Variants in CSMD1 observed in about 807,000 individuals in gnomAD.
CSMD1 encodes CUB and sushi domain-containing protein 1.
CSMD1 carries 213 observed loss-of-function variants against 417.5 expected under a neutral mutation model. The ratio of observed to expected loss-of-function variants is 0.51; its 90% CI spans 0.46 to 0.57. The LOEUF (loss-of-function observed/expected upper bound fraction) is 0.57. Among genes scored for constraint, CSMD1 ranks in the 20% least tolerant of loss-of-function variants. The probability of loss-of-function intolerance (pLI) is 0.00; values close to 1 mark genes in which losing one functional copy is unlikely to be tolerated. For missense variants in CSMD1, 6,923 were observed against 4,529.7 expected (o/e 1.53, Z -15.17); for synonymous variants, 2,862 against 1,736.8 (o/e 1.65, Z -16.11).
At chr8:3,946,377 T>C (rs1188650479) in intron 5 of CSMD1, among the ~76,000 whole-genome samples, 1 of 152,172 alleles carries the variant, frequency 6.6e-6, no homozygotes, top group East Asian at 1.9e-4. Context: ...CTGGCCTGTC[T>C]CTGGATTTTC....
At chr8:4,159,996 G>T (rs921579603) in intron 3 of CSMD1, among the ~76,000 whole-genome samples, 2 of 151,860 alleles carry the variant, frequency 1.3e-5, no homozygotes. Flanking sequence ...AATGTATAAT[G>T]CTCTGGTGAT....
chr8:3,772,165 A>AAAATAT (rs1450016596), intron 5 of CSMD1, among the ~76,000 whole-genome samples: 2 of 43,028 alleles, frequency 4.6e-5, no homozygotes, highest in Non-Finnish European at 9.2e-5. Context: ...CAGAAAGGGC[A>AAAATAT]ACATATATAT....
chr8:3,063,743 G>A (rs1812742198), intron 49 of CSMD1, among the ~76,000 whole-genome samples: 1 of 152,152 alleles, frequency 6.6e-6, no homozygotes, highest in Admixed American at 6.6e-5. Flanking sequence ...CAAATACTAT[G>A]TGATTCTACT....
intron 5 of CSMD1, among the ~76,000 whole-genome samples, chr8:3,862,443 T>G (rs1028048065): frequency 6.6e-6 from 1 of 152,210 alleles, no homozygotes; most frequent in African/African-American, 2.4e-5. Context: ...CTGGAATAAG[T>G]GTTCCTTCTC....
intron 5 of CSMD1, among the ~76,000 whole-genome samples, chr8:3,774,175 C>A (rs1050832334): frequency 2.6e-4 from 39 of 152,146 alleles, no homozygotes; most frequent in African/African-American, 9.4e-4. Flanking sequence ...CCTTTTGTGA[C>A]CTGCACCGCC....
intron 10 of CSMD1, among the ~76,000 whole-genome samples, chr8:3,517,056 C>G (rs776827128): frequency 2.0e-5 from 3 of 152,150 alleles, no homozygotes; most frequent in African/African-American, 7.2e-5. Flanking sequence ...CAAGGGGACA[C>G]TGGAACCGAC....
chr8:4,346,859 C>A (rs1800804402), intron 3 of CSMD1, among the ~76,000 whole-genome samples: 1 of 152,170 alleles, frequency 6.6e-6, no homozygotes, highest in Non-Finnish European at 1.5e-5. Flanking sequence ...GCCATCTCCA[C>A]CTCTCTCAAC....
intron 7 of CSMD1, among the ~76,000 whole-genome samples, chr8:3,706,873 TCTA>T (rs1212518172): frequency 6.6e-6 from 1 of 152,226 alleles, no homozygotes; most frequent in African/African-American, 2.4e-5. Context: ...CTTTATTCCT[TCTA>T]CTGTTTCTCA....
chr8:3,232,747 G>T (rs765352630), intron 26 of CSMD1, among the ~76,000 whole-genome samples: 5 of 152,018 alleles, frequency 3.3e-5, no homozygotes, highest in Admixed American at 1.3e-4. Context: ...ATCTTAGCTT[G>T]TGTTTTCTAT....
At chr8:4,412,972 C>A (rs1250798279) in intron 3 of CSMD1, among the ~76,000 whole-genome samples, 1 of 152,244 alleles carries the variant, frequency 6.6e-6, no homozygotes, top group East Asian at 1.9e-4. Context: ...TGGACAGAAG[C>A]CATCTTTATC....
At chr8:3,405,682 C>T (rs1254850432) in intron 15 of CSMD1, among the ~76,000 whole-genome samples, 1 of 152,160 alleles carries the variant, frequency 6.6e-6, no homozygotes, top group Non-Finnish European at 1.5e-5. Context: ...GACAGACACA[C>T]ACACAGGGAG....
chr8:3,838,092 G>A (rs1216609528), intron 5 of CSMD1, among the ~76,000 whole-genome samples: 3 of 152,092 alleles, frequency 2.0e-5, no homozygotes, highest in African/African-American at 7.2e-5. Flanking sequence ...AGCTGTAGCA[G>A]AAACTGGAAT....
intron 7 of CSMD1, among the ~76,000 whole-genome samples, chr8:3,651,119 C>G (rs1000166481): frequency 6.6e-6 from 1 of 152,312 alleles, no homozygotes; most frequent in East Asian, 1.9e-4. Flanking sequence ...CTGTCAGTAT[C>G]TTGTCTTGAT....
chr8:3,793,867 C>G (rs1292791650), intron 5 of CSMD1, among the ~76,000 whole-genome samples: 5 of 152,078 alleles, frequency 3.3e-5, no homozygotes, highest in African/African-American at 1.2e-4. Flanking sequence ...GACTGAGTGT[C>G]GCTGATGGAC....
rs193233717 is a variant in CSMD1, at chr8:4,013,540, T to A, written c.611-15430A>T. Among the ~76,000 whole-genome samples, 544 of 152,258 alleles carry A rather than the reference T, an allele frequency of 3.6e-3. 14 individuals are homozygous for A. The highest frequency in any genetic ancestry group is 0.032 in the Admixed American group (487 of 15,296). On this transcript the variant is annotated intron_variant, in intron 4 of 69. Coordinates refer to ENST00000635120, the MANE Select transcript of CSMD1 (RefSeq NM_033225.6). ...GCAGATGGTCACCATAGCTCTTAAT[T>A]ACATGTCAGCTTCTCAGTGAGAACA...
intron 6 of CSMD1, among the ~76,000 whole-genome samples, chr8:3,751,894 A>T (rs1179240212): frequency 6.6e-6 from 1 of 152,194 alleles, no homozygotes; most frequent in African/African-American, 2.4e-5. Flanking sequence ...CATTTTAGAG[A>T]CAAATCTGTT....
chr8:4,430,245 G>T (rs1489518481), intron 2 of CSMD1, among the ~76,000 whole-genome samples: 1 of 152,026 alleles, frequency 6.6e-6, no homozygotes, highest in African/African-American at 2.4e-5. Flanking sequence ...ATACTGGGTC[G>T]GAGAAGAAAT....
chr8:4,703,702 A>G (rs2617055), intron 1 of CSMD1, among the ~76,000 whole-genome samples: 2 of 152,040 alleles, frequency 1.3e-5, no homozygotes, highest in African/African-American at 4.8e-5. Flanking sequence ...GCGACCTTGA[A>G]TTAAAAGATT....
At chr8:3,718,418 T>G (rs542803278) in intron 6 of CSMD1, among the ~76,000 whole-genome samples, 1 of 152,332 alleles carries the variant, frequency 6.6e-6, no homozygotes, top group South Asian at 2.1e-4. Context: ...TGTCCTTTCC[T>G]TGGTCAGGAA....
Sources: allele counts gnomAD v4.1 joint callset (sites outside exome capture counted in the v4.1 genomes callset), GRCh38; gene constraint gnomAD v4.1.1; transcripts MANE v1.5; gene names NCBI Gene and HGNC (gene_info 2026-07-23, HGNC 2026-07-21).